TXNDC11: variants seen among roughly 807,000 people sequenced by gnomAD.
The protein encoded by TXNDC11 is thioredoxin domain-containing protein 11.
In TXNDC11, 68 loss-of-function variants were observed where a neutral mutation model predicts 78.0. The observed-to-expected ratio is 0.87, with a 90% CI of 0.72 to 1.07. TXNDC11 has a LOEUF of 1.07. Among genes scored for constraint, TXNDC11 ranks in the 50% least tolerant of loss-of-function variants. The probability of loss-of-function intolerance (pLI) is 0.00; values close to 1 mark genes in which losing one functional copy is unlikely to be tolerated. For missense variants in TXNDC11, 1,389 were observed against 1,221.8 expected (o/e 1.14, Z -2.04); for synonymous variants, 571 against 495.2 (o/e 1.15, Z -2.03).
At chr16:11,718,118 G>C (rs1465113532) in intron 5 of TXNDC11, among the ~76,000 whole-genome samples, 1 of 152,152 alleles carries the variant, frequency 6.6e-6, no homozygotes, top group Admixed American at 6.5e-5. Flanking sequence ...TCGCATGCTG[G>C]GGGCCAGGAA....
At chr16:11,725,164 T>C (rs1442132137) in intron 4 of TXNDC11, among the ~76,000 whole-genome samples, 2 of 152,222 alleles carry the variant, frequency 1.3e-5, no homozygotes, top group South Asian at 2.1e-4. Context: ...GGAAGTATCA[T>C]TGTAGTGCTT....
intron 5 of TXNDC11, among the ~76,000 whole-genome samples, chr16:11,708,296 T>C (rs1367638310): frequency 1.3e-5 from 2 of 152,200 alleles, no homozygotes; most frequent in Non-Finnish European, 2.9e-5. Context: ...CTTGAATTTT[T>C]TTCATGAAAA....
At chr16:11,720,506 C>G (rs1434747422) in intron 5 of TXNDC11, among the ~76,000 whole-genome samples, 4 of 150,792 alleles carry the variant, frequency 2.7e-5, no homozygotes, top group African/African-American at 9.8e-5. Flanking sequence ...ACCTCCGCCT[C>G]CCGGGTTCAA....
intron 5 of TXNDC11, among the ~76,000 whole-genome samples, chr16:11,706,158 C>A (rs2051173556): frequency 6.6e-6 from 1 of 152,208 alleles, no homozygotes; most frequent in South Asian, 2.1e-4. Flanking sequence ...TTCAAGATCT[C>A]TGTTAACCAT....
intron 3 of TXNDC11, 30 bp from the exon 4 acceptor site, chr16:11,730,804 AAAT>A: frequency 1.4e-6 from 2 of 1,452,014 alleles, no homozygotes; most frequent in Non-Finnish European, 1.8e-6. Flanking sequence ...ATAAAAATAA[AAAT>A]AATAAAAATA....
intron 11 of TXNDC11, among the ~76,000 whole-genome samples, chr16:11,683,882 C>T (rs2050497813): frequency 6.6e-6 from 1 of 151,532 alleles, no homozygotes; most frequent in South Asian, 2.1e-4. Flanking sequence ...CTCAGAGTAG[C>T]TGGGATTACA....
intron 5 of TXNDC11, among the ~76,000 whole-genome samples, chr16:11,711,706 C>G (rs2051366404): frequency 6.6e-6 from 1 of 152,200 alleles, no homozygotes; most frequent in Non-Finnish European, 1.5e-5. Flanking sequence ...AACCTATTCG[C>G]AGGTTCTACT....
At chr16:11,709,051 C>A (rs1020940052) in intron 5 of TXNDC11, among the ~76,000 whole-genome samples, 2 of 152,070 alleles carry the variant, frequency 1.3e-5, no homozygotes, top group African/African-American at 4.8e-5. Flanking sequence ...TGTAACATTA[C>A]AGAAATGCTT....
chr16:11,685,563 G>T (rs1597403769), intron 10 of TXNDC11, among the ~76,000 whole-genome samples: 1 of 150,850 alleles, frequency 6.6e-6, no homozygotes, highest in Non-Finnish European at 1.5e-5. Flanking sequence ...GCAGGAGAAT[G>T]GCGTGAACCC....
intron 4 of TXNDC11, among the ~76,000 whole-genome samples, chr16:11,729,050 GGTCT>G (rs1409886436): frequency 6.6e-6 from 1 of 152,196 alleles, no homozygotes; most frequent in Non-Finnish European, 1.5e-5. Flanking sequence ...GCTAAAAGCA[GGTCT>G]GTCTGACTCC....
chr16:11,685,730 C>T (rs1305156664), intron 10 of TXNDC11, among the ~76,000 whole-genome samples: 2 of 152,086 alleles, frequency 1.3e-5, no homozygotes, highest in South Asian at 4.1e-4. Context: ...AGTTTACTAA[C>T]AAAACAGCAC....
In TXNDC11 at chr16:11,736,214, T is replaced by C. The variant is rs1339355957; in HGVS notation, c.274A>G (p.Ile92Val). The C allele has an allele frequency of 6.2e-7, 1 of 1,611,440 alleles. No homozygotes were observed. Among genetic ancestry groups the C allele is most frequent in the Non-Finnish European group, 8.5e-7 (1 of 1,178,584 alleles). Reference protein sequence around the residue: ...FTCSRAKDVIIPAKPPVSFFS... With the variant: ...FTCSRAKDVIVPAKPPVSFFS... The stretch of plus-strand genomic sequence containing the variant: ...AAGCTGACAGGTGGCTTTGCTGGTA[T>C]TATCACATCTTTTGCTCGACTAAAA... The change falls in exon 2 of 12, where the codon ATA becomes GTA. Residue 92 changes from isoleucine to valine, a missense_variant. By Grantham distance (29) the Ile-to-Val change is conservative. Coordinates refer to ENST00000283033, the MANE Select transcript of TXNDC11 (RefSeq NM_015914.7).
intron 1 of TXNDC11, among the ~76,000 whole-genome samples, chr16:11,736,738 G>GTAAA (rs2052232248): frequency 6.6e-6 from 1 of 152,142 alleles, no homozygotes; most frequent in South Asian, 2.1e-4. Flanking sequence ...GGGCATTCAG[G>GTAAA]TAACAGTAAC....
intron 5 of TXNDC11, among the ~76,000 whole-genome samples, chr16:11,718,954 C>T (rs912062926): frequency 4.7e-4 from 72 of 152,242 alleles, no homozygotes; most frequent in African/African-American, 1.6e-3. Flanking sequence ...TATTTTATAT[C>T]TATTTTATTT....
intron 6 of TXNDC11, among the ~76,000 whole-genome samples, chr16:11,699,203 T>G (rs186215465): frequency 6.6e-6 from 1 of 152,070 alleles, no homozygotes; most frequent in South Asian, 2.1e-4. Flanking sequence ...GGAATTCTAC[T>G]GCTACACAAA....
At chr16:11,742,204 G>A (rs1055677678) in intron 1 of TXNDC11, 2 of 408,220 alleles carry the variant, frequency 4.9e-6, no homozygotes, top group Non-Finnish European at 8.7e-6. Context: ...ACTCCAACAG[G>A]TGAGGAGCAC....
rs563413516 is a variant in TXNDC11 at position 11,701,338 on chromosome 16, T to C, written c.794-774A>G. Among the ~76,000 whole-genome samples, 4 of 152,068 alleles carry C rather than the reference T, an allele frequency of 2.6e-5. No homozygotes were observed. The South Asian group carries it at 8.3e-4, about 32-fold the overall frequency. On this transcript the variant is annotated intron_variant, in intron 5 of 11. Transcript: ENST00000283033. ...TTTTAGTAGAGACGGGGTTTCACCA[T>C]GTTGGCCAGGGCAGTCTCGAACTCC...
chr16:11,705,819 G>A (rs531509263), intron 5 of TXNDC11, among the ~76,000 whole-genome samples: 1 of 152,200 alleles, frequency 6.6e-6, no homozygotes, highest in Non-Finnish European at 1.5e-5. Flanking sequence ...AGTCTCACGT[G>A]AACAAAGAAT....
chr16:11,691,380 G>A lies in TXNDC11; in HGVS notation c.1810C>T (p.Gln604Ter). 1 of 1,614,216 alleles carries A rather than the reference G, an allele frequency of 6.2e-7. No individual in the cohort carries two copies. ...AERLGAPSST[Q>*]VKEFAAIVDV... ...ACAATTGCCGCAAATTCTTTCACCT[G>A]AGTGGAGCTCGGAGCACCCAGTCTC... Residue 604 changes from glutamine (Q) to a stop codon, truncating the protein, a stop_gained, in exon 8 of 12, where the codon CAG becomes TAG. Coordinates refer to ENST00000283033, the MANE Select transcript of TXNDC11 (RefSeq NM_015914.7). LOFTEE classifies it high-confidence loss of function.
Sources: allele counts gnomAD v4.1 joint callset (sites outside exome capture counted in the v4.1 genomes callset), GRCh38; gene constraint gnomAD v4.1.1; transcripts MANE v1.5; gene names NCBI Gene and HGNC (gene_info 2026-07-23, HGNC 2026-07-21).